NCEH1: variants seen among roughly 807,000 people sequenced by gnomAD.
The protein encoded by NCEH1 is neutral cholesterol ester hydrolase 1.
A neutral mutation model predicts 25.4 loss-of-function variants in NCEH1; 9 were observed. The ratio of observed to expected loss-of-function variants is 0.35; its 90% CI spans 0.21 to 0.62. NCEH1 has a LOEUF of 0.62. Among genes scored for constraint, NCEH1 ranks in the 20% least tolerant of loss-of-function variants. The pLI, the probability that NCEH1 is intolerant of heterozygous loss-of-function variation, is 0.72. For missense variants in NCEH1, 412 were observed against 501.1 expected, an observed-to-expected ratio of 0.82 and a Z score of 1.70; for synonymous variants, 200 against 199.8, an observed-to-expected ratio of 1.00 and a Z score of -0.01.
In NCEH1 at chr3:172,632,429, C is replaced by T. The variant is rs1577046786; in HGVS notation, c.*1046G>A. On this transcript the variant is annotated 3_prime_UTR_variant, in exon 5 of 5. Transcript: ENST00000475381. ...AGCTATGTATATTAACATTAAATAA[C>T]TTAAAAAAATAAACAATACATTATA... The T allele has an allele frequency of 6.6e-6, 1 of 152,178 alleles. No individual in the cohort carries two copies. Among genetic ancestry groups the T allele is most frequent in the South Asian group, 2.1e-4 (1 of 4,810 alleles). 9.4% of individuals were successfully genotyped at this position (152,178 alleles called of 1,614,324 possible).
intron 1 of NCEH1, among the ~76,000 whole-genome samples, chr3:172,692,082 A>G (rs1202793744): frequency 6.6e-6 from 1 of 152,152 alleles, no homozygotes; most frequent in East Asian, 1.9e-4. Flanking sequence ...ACCCCTTTTG[A>G]CAAACATTCA....
At chr3:172,644,334 G>A (rs1274937307) in intron 3 of NCEH1, among the ~76,000 whole-genome samples, 3 of 152,204 alleles carry the variant, frequency 2.0e-5, no homozygotes, top group African/African-American at 4.8e-5. Flanking sequence ...AGAGACTGCA[G>A]AAGAAAAGAT....
chr3:172,703,721 G>C (rs1466143136), intron 1 of NCEH1, among the ~76,000 whole-genome samples: 4 of 152,028 alleles, frequency 2.6e-5, no homozygotes, highest in African/African-American at 7.2e-5. Context: ...TCTATGCTCA[G>C]GGTTATATTT....
chr3:172,639,037 C>CAT (rs1716729134), intron 3 of NCEH1, among the ~76,000 whole-genome samples: 1 of 152,090 alleles, frequency 6.6e-6, no homozygotes, highest in African/African-American at 2.4e-5. Flanking sequence ...CAGCACCAGG[C>CAT]ATGGTGTAAT....
intron 1 of NCEH1, among the ~76,000 whole-genome samples, chr3:172,659,034 G>A (rs547803175): frequency 2.0e-5 from 3 of 151,810 alleles, no homozygotes; most frequent in South Asian, 2.1e-4. Flanking sequence ...CAGACCACGG[G>A]GGGTCAGTGA....
intron 1 of NCEH1, among the ~76,000 whole-genome samples, chr3:172,695,765 G>T (rs1401003579): frequency 2.0e-5 from 3 of 151,996 alleles, no homozygotes; most frequent in Admixed American, 1.3e-4. Flanking sequence ...CCAAAATGGT[G>T]AAATGCTGTC....
chr3:172,641,336 T>A (rs781287502), intron 3 of NCEH1, among the ~76,000 whole-genome samples: 3 of 152,222 alleles, frequency 2.0e-5, no homozygotes, highest in Non-Finnish European at 2.9e-5. Flanking sequence ...AGCTTTTACG[T>A]AGGTTTTGTA....
intron 1 of NCEH1, among the ~76,000 whole-genome samples, chr3:172,663,773 A>G (rs1184925315): frequency 6.6e-6 from 1 of 152,162 alleles, no homozygotes; most frequent in Non-Finnish European, 1.5e-5. Context: ...ATCAGAGACT[A>G]GGATTGCAAC....
chr3:172,706,720 T>TG, intron 1 of NCEH1, among the ~76,000 whole-genome samples: 1 of 151,988 alleles, frequency 6.6e-6, no homozygotes, highest in Non-Finnish European at 1.5e-5. Flanking sequence ...AGGCTGGTCT[T>TG]GAACTCCTGA....
intron 3 of NCEH1, among the ~76,000 whole-genome samples, chr3:172,643,046 C>G (rs944989696): frequency 2.6e-4 from 40 of 152,112 alleles, no homozygotes; most frequent in African/African-American, 9.4e-4. Context: ...TCAAGTGATT[C>G]TCCTACCTCA....
Position 172,645,626 on chromosome 3 carries a change from A to G in NCEH1, c.434T>C (p.Ile145Thr). The G allele has an allele frequency of 1.3e-6, 2 of 1,591,710 alleles. No homozygotes were observed. The highest frequency in any genetic ancestry group is 8.6e-7 in the Non-Finnish European group (1 of 1,165,242). ...ATGACTAGCATTAATTACTTACTCAATGGAAACAATGACAGCATTCAATTC... is the reference window on the plus strand; with the variant it reads ...ATGACTAGCATTAATTACTTACTCAGTGGAAACAATGACAGCATTCAATTC... The part of the protein sequence containing the change: ...AEELNAVIVS[I>T]EYRLVPKVYF... The change falls in exon 3 of 5, where the codon ATT (isoleucine) becomes ACT (threonine). Residue 145 changes from isoleucine (I) to threonine (T), a missense_variant. Physicochemically the swap from Ile to Thr is moderately conservative, Grantham distance 89. This residue lies in a region of NCEH1 where 178 missense variants were observed against 189.2 expected (regional missense o/e 0.94). Coordinates refer to ENST00000475381, the MANE Select transcript of NCEH1 (RefSeq NM_020792.6).
In NCEH1 at chr3:172,633,722, A is replaced by G; in HGVS notation, c.980T>C (p.Leu327Pro). The change falls in exon 5 of 5, where the codon CTC becomes CCC. Residue 327 changes from leucine to proline, a missense_variant. By Grantham distance (98) the Leu-to-Pro change is moderately conservative. Transcript: ENST00000475381. ...CTGCAGCACTGCCTGGTCTGCAATG[A>G]GTGGGGCGGAGCGGGCATCCAGCAA... ...PQLLDARSAP[L>P]IADQAVLQLL... 6.2e-7 allele frequency: 1 copy of G among 1,614,178 alleles called. No homozygotes were observed. The highest frequency in any genetic ancestry group is 8.5e-7 in the Non-Finnish European group (1 of 1,180,016).
rs10701435 is a variant in NCEH1, at chr3:172,701,449, CT to C, written c.138+9397del. 6.4e-3 allele frequency among the ~76,000 whole-genome samples: 706 copies of C among 110,904 alleles called. 5 individuals are homozygous for C. Among genetic ancestry groups the C allele is most frequent in the Non-Finnish European group, 8.5e-3 (494 of 58,170 alleles). The allele number at this position is 110,904 out of a possible 152,430, so 72.8% of individuals were successfully genotyped here. On this transcript the variant is annotated intron_variant, in intron 1 of 4. Transcript: ENST00000475381. ...TAGTGCTTCCTAGATGGTCTTTTGCCTTTTTTTTTTTTTTTTTAAAGACGGA... is the reference window on the plus strand; with the variant it reads ...TAGTGCTTCCTAGATGGTCTTTTGCCTTTTTTTTTTTTTTTTAAAGACGGA...
chr3:172,640,467 C>G (rs904858797), intron 3 of NCEH1, among the ~76,000 whole-genome samples: 3 of 152,056 alleles, frequency 2.0e-5, no homozygotes, highest in African/African-American at 7.2e-5. Context: ...AAAAAAAAAG[C>G]AAAGCTTCCT....
chr3:172,709,069 T>C (rs532385345), intron 1 of NCEH1, among the ~76,000 whole-genome samples: 1 of 152,352 alleles, frequency 6.6e-6, no homozygotes, highest in African/African-American at 2.4e-5. Flanking sequence ...ACCTCATCTA[T>C]TGCTGACTTC....
chr3:172,660,774 AC>A (rs1717939114), intron 1 of NCEH1, among the ~76,000 whole-genome samples: 1 of 152,142 alleles, frequency 6.6e-6, no homozygotes, highest in Non-Finnish European at 1.5e-5. Context: ...TAAATGTCTT[AC>A]TGTGAGAAGT....
At position 172,645,709 on chromosome 3, in the gene NCEH1, G is replaced by A. The variant is rs763276584; in HGVS notation, c.368-17C>T. The A allele has an allele frequency of 1.0e-5, 16 of 1,530,940 alleles. No homozygotes were observed. The highest frequency in any genetic ancestry group is 1.8e-6 in the Non-Finnish European group (2 of 1,119,360). 94.8% of individuals were successfully genotyped at this position (1,530,940 alleles called of 1,614,324 possible). On this transcript the variant is annotated splice_polypyrimidine_tract_variant and intron_variant, in intron 2 of 4. Coordinates refer to ENST00000475381, the MANE Select transcript of NCEH1 (RefSeq NM_020792.6). ...ACCTGATTTCTAAAAGACACAAAGGGAACAATCATTACAAAACAGGTCATT... is the reference window on the plus strand; with the variant it reads ...ACCTGATTTCTAAAAGACACAAAGGAAACAATCATTACAAAACAGGTCATT...
chr3:172,687,653 C>T (rs942436573), intron 1 of NCEH1, among the ~76,000 whole-genome samples: 1 of 152,188 alleles, frequency 6.6e-6, no homozygotes, highest in African/African-American at 2.4e-5. Flanking sequence ...CCTCAGAAAG[C>T]AGCTGCTGCT....
In NCEH1 at chr3:172,658,982, G is replaced by A. The variant is rs568603231; in HGVS notation, c.139-10868C>T. 1.3e-4 allele frequency among the ~76,000 whole-genome samples: 20 copies of A among 150,288 alleles called. No individual in the cohort carries two copies. In the East Asian group the frequency reaches 2.2e-3, roughly 16 times the overall value. ...AGGGCAGTAGCTCACGTGTGCTGAC[G>A]TTTGCTCTCTGCTAGTCACTGTTCT... is the stretch of plus-strand genomic sequence containing the variant. On this transcript the variant is annotated intron_variant, in intron 1 of 4. Coordinates refer to ENST00000475381, the MANE Select transcript of NCEH1 (RefSeq NM_020792.6).
Sources: allele counts gnomAD v4.1 joint callset (sites outside exome capture counted in the v4.1 genomes callset), GRCh38; gene constraint gnomAD v4.1.1; regional missense constraint gnomAD v4.1.1; transcripts MANE v1.5; gene names NCBI Gene and HGNC (gene_info 2026-07-23, HGNC 2026-07-21).